The following RABGAP1L variants were observed in gnomAD, a reference collection of about 807,000 sequenced individuals.
The protein encoded by RABGAP1L is rab GTPase-activating protein 1-like.
RABGAP1L carries 63 observed loss-of-function variants against 137.7 expected under a neutral mutation model. That is an observed-to-expected ratio of 0.46 (90% CI 0.37 to 0.56). RABGAP1L has a LOEUF of 0.56. RABGAP1L is among the 20% of genes least tolerant of loss of function. The pLI is 0.00. For synonymous variants in RABGAP1L, 431 were observed against 433.7 expected (o/e 0.99, Z 0.08); for missense variants, 1,095 against 1,244.0 (o/e 0.88, Z 1.80).
chr1:174,839,534 A>G (rs1170830431), intron 19 of RABGAP1L, among the ~76,000 whole-genome samples: 1 of 152,246 alleles, frequency 6.6e-6, no homozygotes, highest in East Asian at 1.9e-4. Context: ...AAAGTAACGT[A>G]TATAATCCTA....
At chr1:174,449,473 A>C (rs1655184820) in intron 13 of RABGAP1L, among the ~76,000 whole-genome samples, 1 of 152,170 alleles carries the variant, frequency 6.6e-6, no homozygotes, top group African/African-American at 2.4e-5. Context: ...GAATATCTCA[A>C]ATCTTCTGCA....
intron 19 of RABGAP1L, among the ~76,000 whole-genome samples, chr1:174,895,302 A>C (rs1656942436): frequency 6.6e-6 from 1 of 152,222 alleles, no homozygotes; most frequent in African/African-American, 2.4e-5. Context: ...CCCACTATTA[A>C]GTGCCACTTG....
At chr1:174,619,164 C>T (rs1389529668) in intron 13 of RABGAP1L, among the ~76,000 whole-genome samples, 1 of 152,148 alleles carries the variant, frequency 6.6e-6, no homozygotes, top group Non-Finnish European at 1.5e-5. Context: ...CTACGTGTGA[C>T]AGGTGTACCT....
chr1:174,264,631 T>C (rs1204138884), intron 7 of RABGAP1L, among the ~76,000 whole-genome samples: 1 of 152,168 alleles, frequency 6.6e-6, no homozygotes, highest in Admixed American at 6.5e-5. Context: ...TTTTAATTTG[T>C]AACTTGATCT....
chr1:174,586,567 T>A (rs917486774), intron 13 of RABGAP1L, among the ~76,000 whole-genome samples: 4 of 152,136 alleles, frequency 2.6e-5, no homozygotes, highest in Non-Finnish European at 4.4e-5. Context: ...AAATTATTTT[T>A]AAAAATTCTC....
At chr1:174,964,198 G>C (rs1190755088) in intron 20 of RABGAP1L, among the ~76,000 whole-genome samples, 2 of 152,146 alleles carry the variant, frequency 1.3e-5, no homozygotes, top group African/African-American at 4.8e-5. Context: ...TGTGAGAGTT[G>C]AGTGTGTTGT....
intron 13 of RABGAP1L, among the ~76,000 whole-genome samples, chr1:174,427,523 C>CA (rs1652108351): frequency 6.6e-6 from 1 of 152,004 alleles, no homozygotes; most frequent in African/African-American, 2.4e-5. Flanking sequence ...TCACTTTAGC[C>CA]ACTTAGCTTT....
At chr1:174,784,789 G>A (rs1687330693) in intron 18 of RABGAP1L, among the ~76,000 whole-genome samples, 1 of 152,184 alleles carries the variant, frequency 6.6e-6, no homozygotes, top group Admixed American at 6.5e-5. Flanking sequence ...CCTGGTACTA[G>A]GCTTTTACAT....
At chr1:174,683,010 G>A (rs1369331406) in intron 14 of RABGAP1L, among the ~76,000 whole-genome samples, 1 of 151,408 alleles carries the variant, frequency 6.6e-6, no homozygotes, top group Admixed American at 6.6e-5. Flanking sequence ...ATGGAAAATG[G>A]CAGGGTAGTT....
chr1:174,442,020 G>C (rs1294493004), intron 13 of RABGAP1L, among the ~76,000 whole-genome samples: 3 of 151,594 alleles, frequency 2.0e-5, no homozygotes, highest in African/African-American at 7.3e-5. Context: ...AAACTAAAGG[G>C]ATTTAGTATG....
At chr1:174,971,320 A>C (rs949062094) in intron 21 of RABGAP1L, among the ~76,000 whole-genome samples, 4 of 151,764 alleles carry the variant, frequency 2.6e-5, no homozygotes, top group African/African-American at 9.7e-5. Flanking sequence ...TATTATCTTA[A>C]AAATCATTTC....
In RABGAP1L at chr1:174,601,052, G is replaced by A. The variant is rs1308293241; in HGVS notation, c.1711-36323G>A. 4.6e-5 allele frequency among the ~76,000 whole-genome samples: 7 copies of A among 152,256 alleles called. No homozygotes were observed. In the South Asian group the frequency reaches 1.2e-3, roughly 27 times the overall value. The stretch of plus-strand genomic sequence containing the variant: ...TTCCCAAACCTCAATTCTTGACTTT[G>A]GTGCACCCGCAGGCTCAACACCACA... On this transcript the variant is annotated intron_variant, in intron 13 of 25. Coordinates refer to ENST00000681986, the MANE Select transcript of RABGAP1L (RefSeq NM_001366446.1).
intron 19 of RABGAP1L, among the ~76,000 whole-genome samples, chr1:174,956,665 TG>T (rs1446244669): frequency 2.6e-5 from 4 of 151,186 alleles, no homozygotes; most frequent in East Asian, 3.9e-4. Flanking sequence ...TTTTTTTTTT[TG>T]AGACTGAGTC....
intron 11 of RABGAP1L, among the ~76,000 whole-genome samples, chr1:174,331,022 G>A (rs567549144): frequency 9.2e-5 from 14 of 152,208 alleles, no homozygotes; most frequent in South Asian, 6.2e-4. Context: ...AGAGAGTCCC[G>A]AAATAAATTC....
At chr1:174,712,087 A>G (rs980514364) in intron 17 of RABGAP1L, among the ~76,000 whole-genome samples, 1 of 152,208 alleles carries the variant, frequency 6.6e-6, no homozygotes, top group African/African-American at 2.4e-5. Context: ...CACGCCAGTC[A>G]GCACCCTGTC....
At chr1:174,389,927 G>A (rs970366862) in intron 12 of RABGAP1L, among the ~76,000 whole-genome samples, 19 of 152,112 alleles carry the variant, frequency 1.2e-4, no homozygotes, top group Non-Finnish European at 2.4e-4. Context: ...AGTTCAGCAT[G>A]TATCATAACT....
intron 7 of RABGAP1L, among the ~76,000 whole-genome samples, chr1:174,271,615 A>AT (rs1674565659): frequency 6.6e-6 from 1 of 152,024 alleles, no homozygotes; most frequent in African/African-American, 2.4e-5. Flanking sequence ...ATTTGGGTAA[A>AT]TTGCTTAACT....
At chr1:174,203,938 ATTT>A (rs59416325) in intron 1 of RABGAP1L, among the ~76,000 whole-genome samples, 235 of 136,440 alleles carry the variant, frequency 1.7e-3, no homozygotes, top group Admixed American at 0.013. Flanking sequence ...TTGTACATTG[ATTT>A]TTTTTTTTTT....
At chr1:174,712,149 A>G (rs944086874) in intron 17 of RABGAP1L, among the ~76,000 whole-genome samples, 3 of 152,164 alleles carry the variant, frequency 2.0e-5, no homozygotes, top group African/African-American at 7.2e-5. Context: ...TGTCTGTAAA[A>G]CGGACCAATC....
Sources: allele counts gnomAD v4.1 joint callset (sites outside exome capture counted in the v4.1 genomes callset), GRCh38; gene constraint gnomAD v4.1.1; transcripts MANE v1.5; gene names NCBI Gene and HGNC (gene_info 2026-07-23, HGNC 2026-07-21).